The following ANKS1A variants were observed in gnomAD, a reference collection of about 807,000 sequenced individuals.
The protein encoded by ANKS1A is ankyrin repeat and SAM domain-containing protein 1A.
A neutral mutation model predicts 120.3 loss-of-function variants in ANKS1A; 55 were observed. The ratio of observed to expected loss-of-function variants is 0.46; its 90% CI spans 0.37 to 0.57. ANKS1A has a LOEUF of 0.57. ANKS1A is among the 20% of genes least tolerant of loss of function. The pLI is 0.00. For missense variants in ANKS1A, 1,123 were observed against 1,480.3 expected, an observed-to-expected ratio of 0.76 and a Z score of 3.96; for synonymous variants, 590 against 604.7, an observed-to-expected ratio of 0.98 and a Z score of 0.36.
At chr6:34,924,309 C>T (rs1768597349) in intron 1 of ANKS1A, among the ~76,000 whole-genome samples, 1 of 151,986 alleles carries the variant, frequency 6.6e-6, no homozygotes, top group Non-Finnish European at 1.5e-5. Flanking sequence ...ATGTTATAGC[C>T]CTCAGTTGTC....
rs1777891947 is a variant in ANKS1A at position 35,085,054 on chromosome 6, A to T, written c.3133-712A>T. On this transcript the variant is annotated intron_variant, in intron 21 of 23. Coordinates refer to ENST00000360359, the MANE Select transcript of ANKS1A (RefSeq NM_015245.3). This position sits in a 1 kb window ranked among gnomAD's most constrained non-coding sequence, Gnocchi z 4.7. ...TACAGGCAGCTCTGGGCATCCCCACACTCCTGGGACCTCATCCACCCCAGT... is the reference window on the plus strand; with the variant it reads ...TACAGGCAGCTCTGGGCATCCCCACTCTCCTGGGACCTCATCCACCCCAGT... Among the ~76,000 whole-genome samples, 1 of 151,504 alleles carries T rather than the reference A, an allele frequency of 6.6e-6. No homozygotes were observed. Among genetic ancestry groups the T allele is most frequent in the Admixed American group, 6.6e-5 (1 of 15,216 alleles).
Position 35,058,870 on chromosome 6 carries a change from C to T in ANKS1A, c.2078-1277C>T, listed in dbSNP as rs554542021. 6.6e-6 allele frequency among the ~76,000 whole-genome samples: 1 copy of T among 152,342 alleles called. No individual in the cohort carries two copies. Among genetic ancestry groups the T allele is most frequent in the Non-Finnish European group, 1.5e-5 (1 of 68,034 alleles). The stretch of plus-strand genomic sequence containing the variant: ...TCTGTCCTCCCTGCACCACCAAAAT[C>T]CCCATGCTGATCGAGGAGCAAATAG... On this transcript the variant is annotated intron_variant, in intron 12 of 23. Transcript: ENST00000360359. The surrounding 1 kb of genome is among the most constrained non-coding windows in gnomAD (Gnocchi z 5.1).
chr6:35,035,573 G>A (rs1007791524), intron 11 of ANKS1A, among the ~76,000 whole-genome samples: 125 of 152,228 alleles, frequency 8.2e-4, no homozygotes, highest in African/African-American at 2.9e-3. Context: ...GGCCATTGCT[G>A]GCCTCTGTTT....
At chr6:35,052,370 G>A (rs1776009607) in intron 11 of ANKS1A, among the ~76,000 whole-genome samples, 1 of 151,934 alleles carries the variant, frequency 6.6e-6, no homozygotes, top group South Asian at 2.1e-4. Flanking sequence ...TGGATCACTT[G>A]GGCTCAGGAG....
chr6:34,992,327 T>C (rs1772617743), intron 9 of ANKS1A, among the ~76,000 whole-genome samples: 1 of 152,232 alleles, frequency 6.6e-6, no homozygotes, highest in African/African-American at 2.4e-5. Context: ...CTGCCTCTAT[T>C]TGTCCTGCAC....
At chr6:35,047,483 T>G (rs931246090) in intron 11 of ANKS1A, among the ~76,000 whole-genome samples, 1 of 152,220 alleles carries the variant, frequency 6.6e-6, no homozygotes, top group African/African-American at 2.4e-5. Flanking sequence ...AAGGACCAAC[T>G]GGCAGATTAA....
chr6:35,052,344 G>A (rs962219608), intron 11 of ANKS1A, among the ~76,000 whole-genome samples: 12 of 151,888 alleles, frequency 7.9e-5, no homozygotes, highest in African/African-American at 2.9e-4. Flanking sequence ...CCAGCTACTA[G>A]GGAGGCTGAG....
rs1231983373 is a variant in ANKS1A at position 35,090,476 on chromosome 6, T to C, written c.*1867T>C. ...CAAGCTGTCTTTTGTGCTTAGATCATCCATAGGTGTTTCTTCTGCTTGAAG... is the reference window on the plus strand; with the variant it reads ...CAAGCTGTCTTTTGTGCTTAGATCACCCATAGGTGTTTCTTCTGCTTGAAG... On this transcript the variant is annotated 3_prime_UTR_variant, in exon 24 of 24. Coordinates refer to ENST00000360359, the MANE Select transcript of ANKS1A (RefSeq NM_015245.3). The C allele has an allele frequency of 7.1e-6, 8 of 1,123,950 alleles. No individual in the cohort carries two copies. Among genetic ancestry groups the C allele is most frequent in the Non-Finnish European group, 7.7e-6 (7 of 907,838 alleles). The allele number at this position is 1,123,950 out of a possible 1,614,324, so 69.6% of individuals were successfully genotyped here.
chr6:35,090,019 C>A lies in ANKS1A; in HGVS notation c.*1410C>A. On this transcript the variant is annotated 3_prime_UTR_variant, in exon 24 of 24. Transcript: ENST00000360359. ...GGAGTACTGTTAGGCACATTCTTAA[C>A]CCATGTGGTTGGCCAGAAATCAGAA... 1 of 1,223,750 alleles carries A rather than the reference C, an allele frequency of 8.2e-7. No individual in the cohort carries two copies. The highest frequency in any genetic ancestry group is 1.0e-6 in the Non-Finnish European group (1 of 956,374). 75.8% of individuals were successfully genotyped at this position (1,223,750 alleles called of 1,614,324 possible).
intron 10 of ANKS1A, among the ~76,000 whole-genome samples, chr6:35,005,345 G>A (rs189882803): frequency 3.3e-5 from 5 of 152,192 alleles, no homozygotes; most frequent in Admixed American, 3.3e-4. Flanking sequence ...TTATTGATTA[G>A]TGTTATATGT....
At position 35,084,112 on chromosome 6, in the gene ANKS1A, C is replaced by T. The variant is rs1367742013; in HGVS notation, c.2995-9C>T. 7 of 1,613,890 alleles carry T rather than the reference C, an allele frequency of 4.3e-6. No homozygotes were observed. The South Asian group carries it at 6.6e-5, about 15-fold the overall frequency. ...CCTGAGAATTCCAGAACACGGCTTT[C>T]CCCAGCAGAACGTCATTGCAGAGCA... On this transcript the variant is annotated splice_polypyrimidine_tract_variant and intron_variant, in intron 20 of 23. Transcript: ENST00000360359. This position sits in a 1 kb window ranked among gnomAD's most constrained non-coding sequence, Gnocchi z 4.8.
In ANKS1A at chr6:35,064,832, A is replaced by G. The variant is rs567873165; in HGVS notation, c.2184+4579A>G. Among the ~76,000 whole-genome samples, 7 of 148,902 alleles carry G rather than the reference A, an allele frequency of 4.7e-5. No individual in the cohort carries two copies. The South Asian group carries it at 1.3e-3, about 28-fold the overall frequency. On this transcript the variant is annotated intron_variant, in intron 13 of 23. Transcript: ENST00000360359. ...GTCCCATCTCCCTGCACAGCACTCCATGAGCTGACTGCTGTCTTGGAGTTT... is the reference window on the plus strand; with the variant it reads ...GTCCCATCTCCCTGCACAGCACTCCGTGAGCTGACTGCTGTCTTGGAGTTT...
intron 10 of ANKS1A, among the ~76,000 whole-genome samples, chr6:35,006,608 A>G (rs1447898345): frequency 6.6e-6 from 1 of 152,074 alleles, no homozygotes; most frequent in African/African-American, 2.4e-5. Flanking sequence ...CAAAAAATTT[A>G]GCTGGGCATG....
At chr6:34,942,641 G>A (rs927963395) in intron 1 of ANKS1A, among the ~76,000 whole-genome samples, 2 of 152,050 alleles carry the variant, frequency 1.3e-5, no homozygotes, top group African/African-American at 4.8e-5. Flanking sequence ...TATGTAAATT[G>A]GGCTGACCTT....
chr6:35,090,134 C>T lies in ANKS1A; in HGVS notation c.*1525C>T, dbSNP rs578025262. The T allele has an allele frequency of 5.0e-5, 64 of 1,289,422 alleles. No homozygotes were observed. The South Asian group carries it at 6.9e-4, about 14-fold the overall frequency. 79.9% of individuals were successfully genotyped at this position (1,289,422 alleles called of 1,614,324 possible). A position where few individuals can be genotyped will look rare whatever the true frequency, so the allele number is the denominator to read the frequency against. On this transcript the variant is annotated 3_prime_UTR_variant, in exon 24 of 24. Coordinates refer to ENST00000360359, the MANE Select transcript of ANKS1A (RefSeq NM_015245.3). ...GCAGGTTGGGGCCTGGGACTCAGCT[C>T]TCTCTGCGGTAGAGGCAGGCCCTCC...
In ANKS1A at chr6:35,079,926, A is replaced by C; in HGVS notation, c.2542A>C (p.Arg848=). Residue 848 remains arginine, a splice_region_variant and synonymous_variant, in exon 16 of 24, where the codon AGG becomes CGG. Coordinates refer to ENST00000360359, the MANE Select transcript of ANKS1A (RefSeq NM_015245.3). ...GAAGCCCCCCAGATTCTCCCAGCTG[A>C]GGGTGAGTCGGGGAGGGACAGAAAG... is the stretch of plus-strand genomic sequence containing the variant. ...PQKPPRFSQL[R]CQDLLSQTSS... The C allele has an allele frequency of 1.3e-6, 2 of 1,555,394 alleles. No individual in the cohort carries two copies. The highest frequency in any genetic ancestry group is 8.7e-7 in the Non-Finnish European group (1 of 1,149,178).
At chr6:35,083,600 CTCT>C in intron 20 of ANKS1A, 97 bp downstream of exon 20, 1 of 1,146,738 alleles carries the variant, frequency 8.7e-7, no homozygotes, top group Non-Finnish European at 1.3e-6. Flanking sequence ...CCTGTCTCAT[CTCT>C]TATCTCCCTA....
intron 1 of ANKS1A, among the ~76,000 whole-genome samples, chr6:34,927,433 C>T (rs1768772574): frequency 6.6e-6 from 1 of 151,900 alleles, no homozygotes; most frequent in Non-Finnish European, 1.5e-5. Flanking sequence ...GATAAATGGG[C>T]ACTAAAGATT....
chr6:35,072,260 C>T (rs937628800), intron 13 of ANKS1A, among the ~76,000 whole-genome samples: 13 of 152,216 alleles, frequency 8.5e-5, no homozygotes, highest in African/African-American at 2.2e-4. Context: ...CCAGGACGCC[C>T]GGGGCCGACC....
Sources: allele counts gnomAD v4.1 joint callset (sites outside exome capture counted in the v4.1 genomes callset), GRCh38; gene constraint gnomAD v4.1.1; non-coding constraint Gnocchi (gnomAD v3.1); transcripts MANE v1.5; gene names NCBI Gene and HGNC (gene_info 2026-07-23, HGNC 2026-07-21).